The following SRSF11 variants were observed in gnomAD, a reference collection of about 807,000 sequenced individuals.
The protein encoded by SRSF11 is serine/arginine-rich splicing factor 11.
Under a neutral mutation model 56.0 loss-of-function variants are expected in SRSF11, and 9 were observed. The observed-to-expected ratio is 0.16, with a 90% confidence interval of 0.10 to 0.28. SRSF11 has a LOEUF of 0.28. Among genes scored for constraint, SRSF11 ranks in the 10% least tolerant of loss-of-function variants. SRSF11 has a pLI of 1.00. For missense variants in SRSF11, 421 were observed against 600.7 expected (o/e 0.70, Z 3.13); for synonymous variants, 222 against 215.3 (o/e 1.03, Z -0.27).
At chr1:70,213,447 G>A (rs893784867) in intron 1 of SRSF11, among the ~76,000 whole-genome samples, 23 of 152,110 alleles carry the variant, frequency 1.5e-4, no homozygotes, top group Non-Finnish European at 5.9e-5. Context: ...TGTTCTCACT[G>A]TGTAAACTAA....
chr1:70,242,610 T>C (rs1675736754), intron 7 of SRSF11, among the ~76,000 whole-genome samples: 1 of 152,014 alleles, frequency 6.6e-6, no homozygotes, highest in South Asian at 2.1e-4. Context: ...AGCCCAGTTG[T>C]AGTATCAAGC....
chr1:70,241,955 T>A (rs746641021), intron 7 of SRSF11, among the ~76,000 whole-genome samples: 10 of 152,068 alleles, frequency 6.6e-5, no homozygotes, highest in Non-Finnish European at 8.8e-5. Context: ...GATCACAAGG[T>A]CAGGAGATTG....
intron 1 of SRSF11, among the ~76,000 whole-genome samples, chr1:70,207,011 C>A (rs571392438): frequency 6.6e-6 from 1 of 151,676 alleles, no homozygotes; most frequent in Admixed American, 6.6e-5. Context: ...CTGCCTCAGC[C>A]TCTCCAGTAG....
intron 2 of SRSF11, chr1:70,229,260 C>T: frequency 7.8e-7 from 1 of 1,289,442 alleles, no homozygotes; most frequent in Non-Finnish European, 1.0e-6. Context: ...ACAGTGGGTC[C>T]TCTGCAGCTA....
Position 70,239,439 on chromosome 1 carries a change from A to G in SRSF11, c.719A>G (p.Asp240Gly), listed in dbSNP as rs752610527. ...QSLISAAIEP[D>G]KKEEKRRHSR... ...CAGGTTCCTTTTCTTTTAAATATAG[A>G]TAAGAAAGAAGAAAAAAGAAGGCAT... Residue 240 changes from aspartate (D) to glycine (G), a missense_variant and splice_region_variant, in exon 7 of 12, where the codon GAT (aspartate) becomes GGT (glycine). Coordinates refer to ENST00000370949, the MANE Select transcript of SRSF11 (RefSeq NM_001350605.2). 26 of 1,598,362 alleles carry G rather than the reference A, an allele frequency of 1.6e-5. No individual in the cohort carries two copies. In the African/African-American group the frequency reaches 2.4e-4, roughly 15 times the overall value.
At chr1:70,217,599 T>C (rs567765706), upstream of SRSF11, among the ~76,000 whole-genome samples, 1 of 152,272 alleles carries the variant, frequency 6.6e-6, no homozygotes, top group African/African-American at 2.4e-5. Context: ...TTGAAGAAAT[T>C]TGTGAGTTTT....
In SRSF11 at chr1:70,249,989, T is replaced by C; in HGVS notation, c.1060T>C (p.Ser354Pro). The change falls in exon 10 of 12, where the codon TCT becomes CCT. Residue 354 changes from serine (S) to proline (P), a missense_variant. Ser to Pro is a moderately conservative substitution (Grantham distance 74). Around this residue, in one of 2 missense-constraint regions of SRSF11, gnomAD observed 253 missense variants for 305.8 expected, o/e 0.83. Transcript: ENST00000370949. ...RRRRSRSGTRSPKKPRSPKRK... is the reference protein window; with the variant it reads ...RRRRSRSGTRPPKKPRSPKRK... ...ACGAAGAAGCAGGAGTGGCACAAGA[T>C]CTCCTAAAAAGCCTCGGTCTCCTAA... 6.2e-7 allele frequency: 1 copy of C among 1,614,110 alleles called. No individual in the cohort carries two copies. The highest frequency in any genetic ancestry group is 8.5e-7 in the Non-Finnish European group (1 of 1,180,024).
intron 1 of SRSF11, among the ~76,000 whole-genome samples, chr1:70,225,756 A>G (rs1280823583): frequency 6.6e-6 from 1 of 152,180 alleles, no homozygotes; most frequent in African/African-American, 2.4e-5. Context: ...CAGAAGTGGC[A>G]TGCAGGACTC....
chr1:70,234,059 C>A (rs746118900), intron 3 of SRSF11, among the ~76,000 whole-genome samples: 11 of 152,148 alleles, frequency 7.2e-5, no homozygotes, highest in Non-Finnish European at 1.3e-4. Flanking sequence ...TAAATAAGTT[C>A]TCTTGGGTGC....
chr1:70,250,259 TTTTGAAGTTGGATC>T, intron 10 of SRSF11, 92 bp from the exon 11 acceptor site: 1 of 1,521,842 alleles, frequency 6.6e-7, no homozygotes, highest in South Asian at 1.3e-5. Context: ...TTCTCCAAGG[TTTTGAAGTTGGATC>T]TTTGCTGTAC....
At chr1:70,217,617 C>T (rs1670135251), upstream of SRSF11, among the ~76,000 whole-genome samples, 1 of 152,116 alleles carries the variant, frequency 6.6e-6, no homozygotes, top group Admixed American at 6.5e-5. Flanking sequence ...TTTTTGACTG[C>T]CTCTCAATGA....
At chr1:70,221,161 T>C (rs1365630434), upstream of SRSF11, 1 of 156,630 alleles carries the variant, frequency 6.4e-6, no homozygotes, top group Non-Finnish European at 1.4e-5. Flanking sequence ...GAATGCTTTT[T>C]TTAAAAAAAA....
At position 70,252,549 on chromosome 1, in the gene SRSF11, A is replaced by G. The variant is rs952627321; in HGVS notation, c.*1744A>G. 3 of 148,952 alleles carry G rather than the reference A, an allele frequency of 2.0e-5. No homozygotes were observed. Among genetic ancestry groups the G allele is most frequent in the African/African-American group, 5.0e-5 (2 of 40,260 alleles). 9.2% of individuals were successfully genotyped at this position (148,952 alleles called of 1,614,324 possible). A position where few individuals can be genotyped will look rare whatever the true frequency, so the allele number is the denominator to read the frequency against. On this transcript the variant is annotated 3_prime_UTR_variant, in exon 12 of 12. Coordinates refer to ENST00000370949, the MANE Select transcript of SRSF11 (RefSeq NM_001350605.2). ...TATAGAAAAACAGCATTGTTTTTACAGTTTGTAGTAAGTAACTTTTTAAAG... is the reference window on the plus strand; with the variant it reads ...TATAGAAAAACAGCATTGTTTTTACGGTTTGTAGTAAGTAACTTTTTAAAG...
intron 3 of SRSF11, among the ~76,000 whole-genome samples, chr1:70,233,908 T>G (rs1044602688): frequency 6.6e-6 from 1 of 152,214 alleles, no homozygotes; most frequent in African/African-American, 2.4e-5. Flanking sequence ...CTAGGGGAAC[T>G]CTAATGAATA....
At chr1:70,233,876 A>G (rs1558188045) in intron 3 of SRSF11, among the ~76,000 whole-genome samples, 1 of 152,218 alleles carries the variant, frequency 6.6e-6, no homozygotes, top group Non-Finnish European at 1.5e-5. Context: ...TTAAGGAATT[A>G]CTAACTAGTT....
chr1:70,228,686 C>G, intron 2 of SRSF11, 131 bp downstream of exon 2: 8 of 1,347,350 alleles, frequency 5.9e-6, no homozygotes, highest in Non-Finnish European at 7.7e-6. Context: ...ATACTGCAGT[C>G]CGTAATTTTT....
At chr1:70,232,104 A>G (rs1251336611) in intron 2 of SRSF11, 164 bp from the exon 3 acceptor site, 2 of 1,547,284 alleles carry the variant, frequency 1.3e-6, no homozygotes, top group Non-Finnish European at 1.7e-6. Context: ...ATTCTGACAT[A>G]AAATTAATGA....
intron 3 of SRSF11, among the ~76,000 whole-genome samples, chr1:70,233,382 C>T (rs1673259986): frequency 6.6e-6 from 1 of 152,100 alleles, no homozygotes; most frequent in Non-Finnish European, 1.5e-5. Context: ...GCTAGGACTA[C>T]AGGCATGCCA....
At chr1:70,244,228 C>A (rs915148220) in intron 7 of SRSF11, among the ~76,000 whole-genome samples, 1 of 152,030 alleles carries the variant, frequency 6.6e-6, no homozygotes, top group Admixed American at 6.5e-5. Flanking sequence ...TATGGACTTA[C>A]GAGACCAATT....
Sources: allele counts gnomAD v4.1 joint callset (sites outside exome capture counted in the v4.1 genomes callset), GRCh38; gene constraint gnomAD v4.1.1; regional missense constraint gnomAD v4.1.1; transcripts MANE v1.5; gene names NCBI Gene and HGNC (gene_info 2026-07-23, HGNC 2026-07-21).